NEK11: variants seen among roughly 807,000 people sequenced by gnomAD.
The protein encoded by NEK11 is serine/threonine-protein kinase Nek11.
NEK11 carries 72 observed loss-of-function variants against 80.7 expected under a neutral mutation model. The observed-to-expected ratio is 0.89, with a 90% CI of 0.74 to 1.08. The LOEUF (loss-of-function observed/expected upper bound fraction) is 1.08. NEK11 is among the 50% of genes least tolerant of loss of function. NEK11 has a pLI of 0.00. For missense variants in NEK11, 764 were observed against 763.6 expected (o/e 1.00, Z -0.01); for synonymous variants, 251 against 260.7 (o/e 0.96, Z 0.36).
At chr3:131,186,021 A>G (rs908047108) in intron 14 of NEK11, among the ~76,000 whole-genome samples, 1 of 152,202 alleles carries the variant, frequency 6.6e-6, no homozygotes, top group Non-Finnish European at 1.5e-5. Context: ...AACAAATAAG[A>G]TGATACACAA....
At chr3:131,156,451 T>A (rs2090655434) in intron 10 of NEK11, among the ~76,000 whole-genome samples, 1 of 152,166 alleles carries the variant, frequency 6.6e-6, no homozygotes, top group Non-Finnish European at 1.5e-5. Context: ...TGGTTGGAGT[T>A]CTTTCAATGT....
chr3:131,030,573 T>C (rs1039331068), intron 3 of NEK11, among the ~76,000 whole-genome samples: 5 of 152,242 alleles, frequency 3.3e-5, no homozygotes, highest in African/African-American at 1.2e-4. Context: ...TTGAGATGAA[T>C]AGGGTATACC....
chr3:131,260,404 C>A (rs2095894908), intron 16 of NEK11, among the ~76,000 whole-genome samples: 1 of 152,088 alleles, frequency 6.6e-6, no homozygotes, highest in African/African-American at 2.4e-5. Flanking sequence ...AGGGTCACAT[C>A]CAGCTCAGAA....
chr3:131,220,985 G>C (rs978480645), intron 14 of NEK11, among the ~76,000 whole-genome samples: 1 of 152,148 alleles, frequency 6.6e-6, no homozygotes, highest in African/African-American at 2.4e-5. Context: ...AAGAGGAAAG[G>C]GGTGGGGGAG....
intron 17 of NEK11, chr3:131,330,896 G>A (rs2097066251): frequency 6.9e-6 from 1 of 145,090 alleles, no homozygotes; most frequent in African/African-American, 2.6e-5. Flanking sequence ...GAAGTCGGAA[G>A]GGCAAGAGAG....
intron 7 of NEK11, among the ~76,000 whole-genome samples, chr3:131,148,749 A>ATG (rs967176189): frequency 6.7e-6 from 1 of 150,314 alleles, no homozygotes; most frequent in Admixed American, 6.7e-5. Flanking sequence ...TTACAGATAT[A>ATG]TATATATATA....
chr3:131,344,603 G>A (rs989962438), intron 17 of NEK11, among the ~76,000 whole-genome samples: 1 of 152,108 alleles, frequency 6.6e-6, no homozygotes, highest in African/African-American at 2.4e-5. Context: ...AGAAATATCT[G>A]AGACTGGGTA....
chr3:131,178,067 G>A (rs1447429410), intron 14 of NEK11, among the ~76,000 whole-genome samples: 2 of 152,142 alleles, frequency 1.3e-5, no homozygotes, highest in East Asian at 3.9e-4. Context: ...GTAAGTATTT[G>A]TATATCTAAA....
At chr3:131,222,983 C>A (rs536516902) in intron 14 of NEK11, among the ~76,000 whole-genome samples, 1 of 152,328 alleles carries the variant, frequency 6.6e-6, no homozygotes, top group South Asian at 2.1e-4. Flanking sequence ...ACATCTGTGT[C>A]CAAACTCGTG....
At chr3:131,093,216 C>A (rs1339572083) in intron 4 of NEK11, among the ~76,000 whole-genome samples, 1 of 152,150 alleles carries the variant, frequency 6.6e-6, no homozygotes, top group Non-Finnish European at 1.5e-5. Context: ...ATTATTGAAT[C>A]ATTGTATGGT....
At chr3:131,221,902 G>T (rs1443378567) in intron 14 of NEK11, among the ~76,000 whole-genome samples, 1 of 152,184 alleles carries the variant, frequency 6.6e-6, no homozygotes, top group Non-Finnish European at 1.5e-5. Context: ...AACACTGGGT[G>T]TGGGAGCAAG....
chr3:131,209,018 AG>A (rs2094528664), intron 14 of NEK11, among the ~76,000 whole-genome samples: 1 of 152,188 alleles, frequency 6.6e-6, no homozygotes, highest in Non-Finnish European at 1.5e-5. Flanking sequence ...AGGAGTGGTG[AG>A]AGAAGGCATC....
At chr3:131,089,669 C>T (rs1284667394) in intron 4 of NEK11, among the ~76,000 whole-genome samples, 1 of 152,152 alleles carries the variant, frequency 6.6e-6, no homozygotes, top group Non-Finnish European at 1.5e-5. Flanking sequence ...GAACTCCTGA[C>T]CTCAAGTGAT....
intron 14 of NEK11, among the ~76,000 whole-genome samples, chr3:131,198,582 T>C (rs2094114671): frequency 6.6e-6 from 1 of 152,220 alleles, no homozygotes; most frequent in South Asian, 2.1e-4. Flanking sequence ...CTAAGACTGC[T>C]ACTGTCGCCA....
chr3:131,060,659 A>G (rs1362884906), intron 3 of NEK11, among the ~76,000 whole-genome samples: 2 of 152,180 alleles, frequency 1.3e-5, no homozygotes, highest in Non-Finnish European at 2.9e-5. Flanking sequence ...TTTCTTGGGT[A>G]GATATCATTC....
chr3:131,306,551 A>G (rs2096725469), intron 17 of NEK11, among the ~76,000 whole-genome samples: 1 of 152,122 alleles, frequency 6.6e-6, no homozygotes, highest in Non-Finnish European at 1.5e-5. Context: ...TTCTTCTTCC[A>G]CATGGAAGGC....
intron 17 of NEK11, among the ~76,000 whole-genome samples, chr3:131,345,152 CTATTTA>C (rs1356158651): frequency 5.3e-5 from 8 of 151,810 alleles, no homozygotes; most frequent in African/African-American, 1.9e-4. Flanking sequence ...TTTTTATTCC[CTATTTA>C]TTTTTATTCT....
intron 14 of NEK11, among the ~76,000 whole-genome samples, chr3:131,221,236 A>G (rs890415738): frequency 6.6e-6 from 1 of 152,156 alleles, no homozygotes; most frequent in Non-Finnish European, 1.5e-5. Context: ...GGAGCTTACC[A>G]TCTACCTGGA....
chr3:131,154,843 C>G, intron 9 of NEK11, 193 bp from the exon 10 acceptor site: 1 of 541,066 alleles, frequency 1.8e-6, no homozygotes, highest in Non-Finnish European at 3.3e-6. Flanking sequence ...CAGGCAGGAG[C>G]CTGACCCTGC....
Sources: allele counts gnomAD v4.1 joint callset (sites outside exome capture counted in the v4.1 genomes callset), GRCh38; gene constraint gnomAD v4.1.1; transcripts MANE v1.5; gene names NCBI Gene and HGNC (gene_info 2026-07-23, HGNC 2026-07-21).